CACNA1E: variants seen among roughly 807,000 people sequenced by gnomAD.
CACNA1E encodes the protein voltage-dependent R-type calcium channel subunit alpha-1E.
In CACNA1E, 40 loss-of-function variants were observed where a neutral mutation model predicts 259.2. That is an observed-to-expected ratio of 0.15 (90% confidence interval 0.12 to 0.20). The LOEUF is 0.20. Ranked by LOEUF, CACNA1E falls within the 10% of genes least tolerant of loss-of-function variation. The pLI, the probability that CACNA1E is intolerant of heterozygous loss-of-function variation, is 1.00. For synonymous variants in CACNA1E, 1,104 were observed against 1,138.5 expected, an observed-to-expected ratio of 0.97 and a Z score of 0.61; for missense variants, 1,874 against 3,040.1, an observed-to-expected ratio of 0.62 and a Z score of 9.02.
At chr1:181,574,806 C>T (rs1650788956) in intron 3 of CACNA1E, among the ~76,000 whole-genome samples, 1 of 152,172 alleles carries the variant, frequency 6.6e-6, no homozygotes, top group African/African-American at 2.4e-5. Flanking sequence ...GCAGGCGGAT[C>T]ATGAGGTCAG....
At chr1:181,533,607 A>G (rs1010199080) in intron 3 of CACNA1E, among the ~76,000 whole-genome samples, 3 of 139,918 alleles carry the variant, frequency 2.1e-5, no homozygotes, top group African/African-American at 7.5e-5. Flanking sequence ...ATGAATTAGA[A>G]CTAACTTGTC....
At position 181,732,962 on chromosome 1, in the gene CACNA1E, A is replaced by C. The variant is rs1392080882; in HGVS notation, c.2876A>C (p.Asp959Ala). 1.4e-5 allele frequency: 22 copies of C among 1,613,888 alleles called. No individual in the cohort carries two copies. Among genetic ancestry groups the C allele is most frequent in the Non-Finnish European group, 1.8e-5 (21 of 1,179,886 alleles). ...GCCATGCCCACTGAAGGGGAGAAGG[A>C]CCATGAGCTCAGGGGCAACCATGGT... The part of the protein sequence containing the change: ...DEAMPTEGEK[D>A]HELRGNHGAK... The change falls in exon 20 of 48, where the codon GAC becomes GCC. Residue 959 changes from aspartate to alanine, a missense_variant. Asp to Ala is a moderately radical substitution (Grantham distance 126). Transcript: ENST00000367573. The surrounding 1 kb of genome is among the most constrained non-coding windows in gnomAD (Gnocchi z 5.5).
intron 1 of CACNA1E, among the ~76,000 whole-genome samples, chr1:181,324,564 T>C (rs142787759): frequency 1.8e-4 from 28 of 152,264 alleles, no homozygotes; most frequent in African/African-American, 6.5e-4. Flanking sequence ...GCAGTTTCAG[T>C]ACCTAGCATA....
chr1:181,524,145 T>C (rs1340927287), intron 3 of CACNA1E, among the ~76,000 whole-genome samples: 1 of 152,244 alleles, frequency 6.6e-6, no homozygotes, highest in African/African-American at 2.4e-5. Context: ...CCTAACTCTT[T>C]TCCTTTTCAT....
intron 7 of CACNA1E, among the ~76,000 whole-genome samples, chr1:181,704,139 T>TC (rs1179324968): frequency 6.6e-6 from 1 of 152,208 alleles, no homozygotes; most frequent in African/African-American, 2.4e-5. Context: ...AACCTAAGTC[T>TC]CCTTAAATCC....
intron 12 of CACNA1E, among the ~76,000 whole-genome samples, chr1:181,718,851 C>T (rs1413075885): frequency 2.0e-5 from 3 of 152,156 alleles, no homozygotes; most frequent in Non-Finnish European, 2.9e-5. Flanking sequence ...TTAGCCTTCC[C>T]ATTTACACAA....
chr1:181,717,041 C>T (rs921717252), intron 10 of CACNA1E, 52 bp from the exon 11 acceptor site: 58 of 1,518,942 alleles, frequency 3.8e-5, no homozygotes, highest in Non-Finnish European at 4.6e-5. Flanking sequence ...GCTCCCTGGC[C>T]CGGACCACAG....
intron 29 of CACNA1E, 123 bp from the exon 30 acceptor site, chr1:181,756,802 A>G: frequency 1.4e-6 from 1 of 704,722 alleles, no homozygotes; most frequent in Admixed American, 2.3e-5. Context: ...TGGACTCAAA[A>G]AAAATTAATG....
intron 17 of CACNA1E, among the ~76,000 whole-genome samples, chr1:181,725,378 A>G (rs1272967039): frequency 2.0e-5 from 3 of 152,350 alleles, no homozygotes; most frequent in Non-Finnish European, 4.4e-5. Context: ...TGGTTTCTTC[A>G]TGCATGAGAC....
At chr1:181,469,290 T>G (rs1427922182) in intron 2 of CACNA1E, among the ~76,000 whole-genome samples, 2 of 152,142 alleles carry the variant, frequency 1.3e-5, no homozygotes, top group East Asian at 3.9e-4. Flanking sequence ...AGACTGTGAC[T>G]GTGGCATAGA....
At chr1:181,638,530 C>T (rs1234936580) in intron 6 of CACNA1E, among the ~76,000 whole-genome samples, 2 of 152,148 alleles carry the variant, frequency 1.3e-5, no homozygotes, top group East Asian at 1.9e-4. Context: ...GCTTCACATG[C>T]TTATTGTGGG....
At chr1:181,677,465 A>C (rs1431435120) in intron 7 of CACNA1E, among the ~76,000 whole-genome samples, 4 of 152,212 alleles carry the variant, frequency 2.6e-5, no homozygotes, top group African/African-American at 7.2e-5. Context: ...GACATCCAGC[A>C]ATTCTAGCAC....
intron 3 of CACNA1E, among the ~76,000 whole-genome samples, chr1:181,544,853 T>G (rs1421603014): frequency 6.6e-6 from 1 of 152,204 alleles, no homozygotes; most frequent in Non-Finnish European, 1.5e-5. Context: ...AAGGGTCACC[T>G]TTCCCAGGGT....
intron 38 of CACNA1E, among the ~76,000 whole-genome samples, chr1:181,777,706 C>CA (rs1292149061): frequency 6.6e-6 from 1 of 152,156 alleles, no homozygotes; most frequent in African/African-American, 2.4e-5. Flanking sequence ...ACATAACTTG[C>CA]AAGGTGTTTG....
intron 45 of CACNA1E, among the ~76,000 whole-genome samples, chr1:181,794,440 G>A (rs1219889761): frequency 6.7e-5 from 10 of 148,522 alleles, no homozygotes; most frequent in African/African-American, 1.8e-4. Flanking sequence ...TGGCAAGGGC[G>A]TTTAAAAAAA....
rs1217505156 is a variant in CACNA1E at position 181,748,878 on chromosome 1, A to G, written c.3720-1598A>G. On this transcript the variant is annotated intron_variant, in intron 25 of 47. Coordinates refer to ENST00000367573, the MANE Select transcript of CACNA1E (RefSeq NM_001205293.3). The stretch of plus-strand genomic sequence containing the variant: ...GTATGCAGAACAGTGCCTGACATAT[A>G]TTAAGGACTCCACAGATGCTTGGTA... Among the ~76,000 whole-genome samples, 3 of 152,152 alleles carry G rather than the reference A, an allele frequency of 2.0e-5. No individual in the cohort carries two copies. In the East Asian group the frequency reaches 5.8e-4, roughly 29 times the overall value.
intron 3 of CACNA1E, among the ~76,000 whole-genome samples, chr1:181,550,612 T>C (rs1443257304): frequency 2.0e-5 from 3 of 151,976 alleles, no homozygotes; most frequent in African/African-American, 7.3e-5. Context: ...AGAAAGAGTT[T>C]CCAGAAGGGA....
At chr1:181,709,076 A>G (rs1344256627) in intron 7 of CACNA1E, among the ~76,000 whole-genome samples, 1 of 152,224 alleles carries the variant, frequency 6.6e-6, no homozygotes, top group Admixed American at 6.5e-5. Context: ...AAGTGCTTTT[A>G]TGAAGGTAGA....
chr1:181,367,249 G>A (rs1244638328), intron 1 of CACNA1E, among the ~76,000 whole-genome samples: 1 of 152,164 alleles, frequency 6.6e-6, no homozygotes, highest in Non-Finnish European at 1.5e-5. Flanking sequence ...CTTTGGCCTG[G>A]TGCCTCACCC....
Sources: allele counts gnomAD v4.1 joint callset (sites outside exome capture counted in the v4.1 genomes callset), GRCh38; gene constraint gnomAD v4.1.1; non-coding constraint Gnocchi (gnomAD v3.1); transcripts MANE v1.5; gene names NCBI Gene and HGNC (gene_info 2026-07-23, HGNC 2026-07-21).